The following KDM5A variants were observed in gnomAD, a reference collection of about 807,000 sequenced individuals.
The protein encoded by KDM5A is lysine-specific demethylase 5A.
A neutral mutation model predicts 193.5 loss-of-function variants in KDM5A; 42 were observed. The observed-to-expected ratio is 0.22, with a 90% confidence interval of 0.17 to 0.28. The LOEUF (loss-of-function observed/expected upper bound fraction) is 0.28, where lower values mean the gene tolerates loss of function less well. Ranked by LOEUF, KDM5A falls within the 10% of genes least tolerant of loss-of-function variation. KDM5A has a pLI of 1.00. For synonymous variants in KDM5A, 796 were observed against 718.1 expected (o/e 1.11, Z -1.73); for missense variants, 1,692 against 2,055.1 (o/e 0.82, Z 3.42).
intron 26 of KDM5A, among the ~76,000 whole-genome samples, chr12:295,282 A>AT (rs773704029): frequency 1.7e-4 from 15 of 90,666 alleles, no homozygotes; most frequent in Admixed American, 6.6e-4. Context: ...AAAGGAAAGG[A>AT]AAGAAGAAAA....
intron 5 of KDM5A, among the ~76,000 whole-genome samples, chr12:361,138 A>G (rs1275865715): frequency 6.6e-6 from 1 of 152,216 alleles, no homozygotes; most frequent in African/African-American, 2.4e-5. Flanking sequence ...TTATCAACCA[A>G]TCTGAATACA....
intron 24 of KDM5A, 56 bp from the exon 25 acceptor site, chr12:297,256 G>T: frequency 1.3e-6 from 2 of 1,536,600 alleles, no homozygotes; most frequent in South Asian, 1.1e-5. Flanking sequence ...CTTATTTTAT[G>T]ACAAGGCCCA....
chr12:284,614 T>C lies in KDM5A; in HGVS notation c.*842A>G. 1 of 232,828 alleles carries C rather than the reference T, an allele frequency of 4.3e-6. No individual in the cohort carries two copies. Among genetic ancestry groups the C allele is most frequent in the Non-Finnish European group, 8.5e-6 (1 of 117,572 alleles). 14.4% of individuals were successfully genotyped at this position (232,828 alleles called of 1,614,324 possible). A position where few individuals can be genotyped will look rare whatever the true frequency, so the allele number is the denominator to read the frequency against. ...CTGTGGCTCAGTAAGATAGTACGAC[T>C]GGTCATCATCGTCATCTTCTTCTCT... On this transcript the variant is annotated 3_prime_UTR_variant, in exon 28 of 28. Transcript: ENST00000399788.
At chr12:387,965 G>A (rs952650089) in intron 1 of KDM5A, among the ~76,000 whole-genome samples, 2 of 145,170 alleles carry the variant, frequency 1.4e-5, no homozygotes, top group African/African-American at 5.2e-5. Context: ...AACAAGCAAC[G>A]ACTAAAGCAA....
chr12:348,382 A>T (rs760427551), intron 10 of KDM5A, among the ~76,000 whole-genome samples: 8 of 152,198 alleles, frequency 5.3e-5, no homozygotes, highest in Admixed American at 5.2e-4. Flanking sequence ...AAGTAGAAAT[A>T]CCATTTGACC....
Position 318,388 on chromosome 12 carries a change from G to C in KDM5A, c.2615C>G (p.Ser872Cys). 1 of 1,614,144 alleles carries C rather than the reference G, an allele frequency of 6.2e-7. No individual in the cohort carries two copies. The highest frequency in any genetic ancestry group is 8.5e-7 in the Non-Finnish European group (1 of 1,180,010). ...EAMMDETPDS[S>C]KLQMLIDMGS... ...CATATCTATCAACATCTGGAGTTTG[G>C]AAGAATCTGGGGTTTCATCCATCAT... The change falls in exon 19 of 28, where the codon TCC (serine) becomes TGC (cysteine). Residue 872 changes from serine (S) to cysteine (C), a missense_variant. Ser to Cys is a moderately radical substitution (Grantham distance 112, BLOSUM62 -1). Around this residue, in one of 11 missense-constraint regions of KDM5A, gnomAD observed 965 missense variants for 1,061.0 expected, o/e 0.91. Transcript: ENST00000399788.
intron 4 of KDM5A, among the ~76,000 whole-genome samples, chr12:364,087 G>A (rs1944322569): frequency 6.6e-6 from 1 of 152,206 alleles, no homozygotes; most frequent in Non-Finnish European, 1.5e-5. Context: ...ACCAAGTGTT[G>A]ACCAGGATGT....
chr12:326,430 G>A (rs1249548096), intron 14 of KDM5A, among the ~76,000 whole-genome samples: 1 of 152,086 alleles, frequency 6.6e-6, no homozygotes, highest in East Asian at 1.9e-4. Context: ...GGGGATATAA[G>A]GAGAAAGAAC....
intron 5 of KDM5A, among the ~76,000 whole-genome samples, chr12:357,916 C>G (rs979260283): frequency 2.8e-5 from 4 of 142,622 alleles, no homozygotes; most frequent in African/African-American, 1.0e-4. Context: ...AAACATGGTG[C>G]TAGACTCTGC....
intron 27 of KDM5A, among the ~76,000 whole-genome samples, chr12:286,770 CCA>C (rs1441066928): frequency 6.6e-6 from 1 of 152,146 alleles, no homozygotes; most frequent in Non-Finnish European, 1.5e-5. Flanking sequence ...ACTGTCAAAA[CCA>C]CAGTAGTCAC....
chr12:359,781 GGAAGGGATGAAGGGAA>G (rs1482293659), intron 5 of KDM5A, among the ~76,000 whole-genome samples: 1 of 145,008 alleles, frequency 6.9e-6, no homozygotes, highest in East Asian at 2.1e-4. Context: ...GAGGGAAGGA[GGAAGGGATGAAGGGAA>G]GAAGGGAGGG....
intron 10 of KDM5A, among the ~76,000 whole-genome samples, chr12:344,080 T>C (rs1041915345): frequency 6.6e-6 from 1 of 152,198 alleles, no homozygotes; most frequent in Admixed American, 6.5e-5. Flanking sequence ...AATGACCTGA[T>C]GGAGCTGAAA....
intron 5 of KDM5A, among the ~76,000 whole-genome samples, chr12:359,825 G>A (rs1242504413): frequency 1.3e-5 from 2 of 148,780 alleles, no homozygotes; most frequent in Non-Finnish European, 3.0e-5. Context: ...AGGGAGGCAA[G>A]GAGGGAGGGA....
At chr12:305,828 AAAT>A (rs1394164819) in intron 24 of KDM5A, among the ~76,000 whole-genome samples, 2 of 152,204 alleles carry the variant, frequency 1.3e-5, no homozygotes, top group African/African-American at 4.8e-5. Flanking sequence ...CATTGATGGT[AAAT>A]AATTTGTTGT....
At chr12:293,675 A>G (rs1943330751) in intron 26 of KDM5A, among the ~76,000 whole-genome samples, 1 of 147,932 alleles carries the variant, frequency 6.8e-6, no homozygotes, top group Non-Finnish European at 1.5e-5. Flanking sequence ...GCTACTTGGG[A>G]GGCTGAGGCA....
chr12:315,731 C>G (rs1381916101), intron 19 of KDM5A, among the ~76,000 whole-genome samples: 3 of 151,776 alleles, frequency 2.0e-5, no homozygotes, highest in Non-Finnish European at 4.4e-5. Context: ...TCAAAGCTAA[C>G]TACCAAAGTA....
chr12:323,232 A>G lies in KDM5A; in HGVS notation c.2151-26T>C, dbSNP rs1565533739. 4.7e-6 allele frequency: 7 copies of G among 1,500,162 alleles called. No homozygotes were observed. In the East Asian group the frequency reaches 7.4e-5, roughly 16 times the overall value. 92.9% of individuals were successfully genotyped at this position (1,500,162 alleles called of 1,614,324 possible). ...CTACAAAAAAAAAAAAAAAAAAAAA[A>G]AAAAAAAGAAAACAGAAATAAAAAC... On this transcript the variant is annotated intron_variant, in intron 15 of 27. Coordinates refer to ENST00000399788, the MANE Select transcript of KDM5A (RefSeq NM_001042603.3).
intron 3 of KDM5A, among the ~76,000 whole-genome samples, chr12:370,795 GTGA>G (rs1196067756): frequency 6.6e-6 from 1 of 152,152 alleles, no homozygotes; most frequent in Non-Finnish European, 1.5e-5. Flanking sequence ...GCCCCGGTGT[GTGA>G]TGTTCACCTT....
Position 334,324 on chromosome 12 carries a change from C to G in KDM5A, c.1407G>C (p.Pro469=). The G allele has an allele frequency of 6.2e-7, 1 of 1,614,036 alleles. No homozygotes were observed. The highest frequency in any genetic ancestry group is 8.5e-7 in the Non-Finnish European group (1 of 1,179,940). Residue 469 remains proline, a synonymous_variant, in exon 11 of 28, where the codon CCG becomes CCC. Transcript: ENST00000399788. ...INVDISGMKV[P]WLYVGMCFSS... is the part of the protein sequence containing the mutation. ...AGAAGCACATTCCCACATAGAGCCA[C>G]GGCACTTTCATACCAGAGATGTCCA...
Sources: gnomAD v4.1 joint callset for allele counts (sites outside exome capture counted in the v4.1 genomes callset) on GRCh38, gnomAD v4.1.1 for gene constraint, gnomAD v4.1.1 regional missense constraint, MANE v1.5 for transcripts, NCBI Gene and HGNC (gene_info 2026-07-23, HGNC 2026-07-21) for gene names.